The following ODAD3 variants were observed in gnomAD, a reference collection of about 807,000 sequenced individuals.
ODAD3 encodes outer dynein arm-docking complex subunit 3.
ODAD3 carries 57 observed loss-of-function variants against 70.9 expected under a neutral mutation model. The ratio of observed to expected loss-of-function variants is 0.80; its 90% CI spans 0.65 to 1.00. The LOEUF is 1.00. Ranked by LOEUF, ODAD3 falls within the 50% of genes least tolerant of loss-of-function variation. The probability of loss-of-function intolerance (pLI) is 0.00; values close to 1 mark genes in which losing one functional copy is unlikely to be tolerated. For missense variants in ODAD3, 797 were observed against 763.9 expected (o/e 1.04, Z -0.51); for synonymous variants, 327 against 315.9 (o/e 1.04, Z -0.37).
chr19:11,434,822 G>C lies in ODAD3; in HGVS notation c.195C>G (p.Pro65=). The C allele has an allele frequency of 6.2e-7, 1 of 1,614,164 alleles. No homozygotes were observed. Among genetic ancestry groups the C allele is most frequent in the Non-Finnish European group, 8.5e-7 (1 of 1,179,998 alleles). The change falls in exon 1 of 13, where the codon CCC becomes CCG. Residue 65 remains proline (P), a synonymous_variant. Transcript: ENST00000356392. ...ACTCAGCCACCTGAGAGTGCACAGA[G>C]GGCTTCCCTGCACCTCTGTGGAAGG... The part of the protein sequence containing the change: ...GGSFHRGAGK[P]SVHSQVAELH...
chr19:11,425,085 G>A (rs372074878), intron 7 of ODAD3, among the ~76,000 whole-genome samples: 6 of 127,122 alleles, frequency 4.7e-5, no homozygotes, highest in African/African-American at 8.0e-5. Context: ...ATGTGTATAT[G>A]TACATATGTG....
intron 8 of ODAD3, among the ~76,000 whole-genome samples, 183 bp from the exon 9 acceptor site, chr19:11,423,044 T>G (rs973525058): frequency 6.6e-6 from 1 of 152,234 alleles, no homozygotes; most frequent in African/African-American, 2.4e-5. Flanking sequence ...TGAGCAGCCC[T>G]GGATATATCA....
rs777588320 is a variant in ODAD3 at position 11,420,950 on chromosome 19, A to G, written c.1676-3T>C. 3 of 1,562,956 alleles carry G rather than the reference A, an allele frequency of 1.9e-6. No homozygotes were observed. Among genetic ancestry groups the G allele is most frequent in the Non-Finnish European group, 2.6e-6 (3 of 1,134,124 alleles). Reference sequence around the variant, plus strand: ...GTCCTCCTCCTCACTCTCTTCGTCTAAGGGGGGTGGGGGGATGAGCAGGGA... The same window carrying G: ...GTCCTCCTCCTCACTCTCTTCGTCTGAGGGGGGTGGGGGGATGAGCAGGGA... On this transcript the variant is annotated splice_polypyrimidine_tract_variant and splice_region_variant and intron_variant, in intron 12 of 12. Coordinates refer to ENST00000356392, the MANE Select transcript of ODAD3 (RefSeq NM_145045.5).
At chr19:11,435,663 G>A, upstream of ODAD3, 1 of 1,296,464 alleles carries the variant, frequency 7.7e-7, no homozygotes, top group Non-Finnish European at 1.0e-6. Context: ...GCGGCTGCTG[G>A]ACAAGAGGGG....
intron 3 of ODAD3, among the ~76,000 whole-genome samples, chr19:11,428,722 G>A (rs1969438419): frequency 6.6e-6 from 1 of 151,482 alleles, no homozygotes; most frequent in South Asian, 2.1e-4. Flanking sequence ...CAAATCTTCT[G>A]TATTTGTTGT....
chr19:11,425,657 A>G (rs568130710), intron 7 of ODAD3, among the ~76,000 whole-genome samples: 5 of 134,472 alleles, frequency 3.7e-5, no homozygotes, highest in African/African-American at 1.0e-4. Context: ...ATACGTATAT[A>G]TATATATATA....
At position 11,435,011 on chromosome 19, in the gene ODAD3, T is replaced by G; in HGVS notation, c.6A>C (p.Thr2=). The stretch of plus-strand genomic sequence containing the variant: ...CGGAGGCCGCCCTGCACAGAGGAGA[T>G]GTCATGATGGGGTTGGGGCTGAAGG... M[T]SPLCRAASAN... is the part of the protein sequence containing the mutation. The change falls in exon 1 of 13, where the codon ACA becomes ACC. Residue 2 remains threonine (T), a synonymous_variant. Coordinates refer to ENST00000356392, the MANE Select transcript of ODAD3 (RefSeq NM_145045.5). 1 of 1,610,394 alleles carries G rather than the reference T, an allele frequency of 6.2e-7. No homozygotes were observed. The highest frequency in any genetic ancestry group is 8.5e-7 in the Non-Finnish European group (1 of 1,179,416).
Position 11,434,991 on chromosome 19 carries a change from G to A in ODAD3, c.26C>T (p.Ala9Val), listed in dbSNP as rs1191599406. The A allele has an allele frequency of 1.2e-6, 2 of 1,612,574 alleles. No homozygotes were observed. Among genetic ancestry groups the A allele is most frequent in the Non-Finnish European group, 1.7e-6 (2 of 1,180,004 alleles). MTSPLCRAASANALPPQDQ... is the reference protein window; with the variant it reads MTSPLCRAVSANALPPQDQ... ...CTGAGGAGGCAGGGCGTTGGCGGAGGCCGCCCTGCACAGAGGAGATGTCAT... is the reference window on the plus strand; with the variant it reads ...CTGAGGAGGCAGGGCGTTGGCGGAGACCGCCCTGCACAGAGGAGATGTCAT... Residue 9 changes from alanine (A) to valine (V), a missense_variant, in exon 1 of 13, where the codon GCC becomes GTC. Ala to Val is a moderately conservative substitution (Grantham distance 64). Coordinates refer to ENST00000356392, the MANE Select transcript of ODAD3 (RefSeq NM_145045.5).
At chr19:11,425,429 A>G (rs1281029394) in intron 7 of ODAD3, among the ~76,000 whole-genome samples, 2 of 141,278 alleles carry the variant, frequency 1.4e-5, no homozygotes, top group South Asian at 4.2e-4. Flanking sequence ...GTATATACAC[A>G]TATGTGTATA....
At chr19:11,423,118 G>A (rs1221632089) in intron 8 of ODAD3, among the ~76,000 whole-genome samples, 2 of 152,260 alleles carry the variant, frequency 1.3e-5, no homozygotes, top group Non-Finnish European at 2.9e-5. Flanking sequence ...GGGGGCAACT[G>A]GAGAGGCGAG....
At position 11,425,280 on chromosome 19, in the gene ODAD3, T is replaced by C. The variant is rs1033833659; in HGVS notation, c.963+864A>G. Among the ~76,000 whole-genome samples, 54 of 140,454 alleles carry C rather than the reference T, an allele frequency of 3.8e-4. 2 individuals carry two copies. The highest frequency in any genetic ancestry group is 1.2e-3 in the Admixed American group (17 of 14,524). 92.1% of individuals were successfully genotyped at this position (140,454 alleles called of 152,430 possible). A position where few individuals can be genotyped will look rare whatever the true frequency, so the allele number is the denominator to read the frequency against. On this transcript the variant is annotated intron_variant, in intron 7 of 12. Transcript: ENST00000356392. ...ATGTACATATGTGTATATGTGTGTA[T>C]ATGTACATATGTGTATATATGTGTA...
chr19:11,426,406 G>A (rs775117832), intron 6 of ODAD3, 40 bp downstream of exon 6: 14 of 1,612,774 alleles, frequency 8.7e-6, no homozygotes, highest in Non-Finnish European at 1.2e-5. Context: ...GGGAGACCGC[G>A]GCAGCTGGGC....
In ODAD3 at chr19:11,421,282, C is replaced by T. The variant is rs989224972; in HGVS notation, c.1591-70G>A. The T allele has an allele frequency of 1.2e-5, 16 of 1,379,874 alleles. No individual in the cohort carries two copies. The African/African-American group carries it at 1.9e-4, about 16-fold the overall frequency. The allele number at this position is 1,379,874 out of a possible 1,614,324, so 85.5% of individuals were successfully genotyped here. A position where few individuals can be genotyped will look rare whatever the true frequency, so the allele number is the denominator to read the frequency against. Reference sequence around the variant, plus strand: ...GGGCCACCGAGAAGTCACGTTCCCCCTCCTCCCTACCCCATTCCGAGATAT... The same window carrying T: ...GGGCCACCGAGAAGTCACGTTCCCCTTCCTCCCTACCCCATTCCGAGATAT... On this transcript the variant is annotated intron_variant, in intron 11 of 12. Coordinates refer to ENST00000356392, the MANE Select transcript of ODAD3 (RefSeq NM_145045.5).
chr19:11,430,711 GTTC>G lies in ODAD3; in HGVS notation c.429_431del (p.Lys143del). ...AGGGTGGGCAAACCTGTCCTGTCCTGTTCTTCAGGTATGGCTTCTCCCACTTCC... is the reference window on the plus strand; with the variant it reads ...AGGGTGGGCAAACCTGTCCTGTCCTGTTCAGGTATGGCTTCTCCCACTTCC... On this transcript the variant is annotated inframe_deletion, in exon 3 of 13. Coordinates refer to ENST00000356392, the MANE Select transcript of ODAD3 (RefSeq NM_145045.5). 6.2e-7 allele frequency: 1 copy of G among 1,614,094 alleles called. No homozygotes were observed. Among genetic ancestry groups the G allele is most frequent in the Non-Finnish European group, 8.5e-7 (1 of 1,179,998 alleles).
In ODAD3 at chr19:11,434,978, G is replaced by A; in HGVS notation, c.39C>T (p.Ala13=). 1 of 1,613,320 alleles carries A rather than the reference G, an allele frequency of 6.2e-7. No homozygotes were observed. The highest frequency in any genetic ancestry group is 8.5e-7 in the Non-Finnish European group (1 of 1,180,030). ...SPLCRAASAN[A]LPPQDQASTP... ...TCGAAGCCTGGTCCTGAGGAGGCAG[G>A]GCGTTGGCGGAGGCCGCCCTGCACA... is the stretch of plus-strand genomic sequence containing the variant. Residue 13 remains alanine, a synonymous_variant, in exon 1 of 13, where the codon GCC becomes GCT. Transcript: ENST00000356392.
In ODAD3 at chr19:11,426,752, C is replaced by G. The variant is rs765297835; in HGVS notation, c.645G>C (p.Lys215Asn). ...TMRNLENRLEKAQMKAQEAEH... is the reference protein window; with the variant it reads ...TMRNLENRLENAQMKAQEAEH... ...CGGCCTCCTGCGCCTTCATCTGGGC[C>G]TTCTCCAGGCGGTTCTCCAGGTTCC... is the stretch of plus-strand genomic sequence containing the variant. The change falls in exon 5 of 13, where the codon AAG becomes AAC. Residue 215 changes from lysine to asparagine, a missense_variant. Lys to Asn is a moderately conservative substitution (Grantham distance 94). Transcript: ENST00000356392. The G allele has an allele frequency of 1.9e-6, 3 of 1,613,874 alleles. No individual in the cohort carries two copies. In the African/African-American group the frequency reaches 4.0e-5, roughly 22 times the overall value.
chr19:11,427,004 C>T lies in ODAD3; in HGVS notation c.481G>A (p.Val161Met), dbSNP rs1555723194. ...TGCCGCAGGGCGTTCTGCTGCTTCA[C>T]CTTCTCCCTCAGCCGGTGGTCTAGG... ...EHLDHRLREK[V>M]KQQNALRHQV... is the part of the protein sequence containing the mutation. Residue 161 changes from valine to methionine, a missense_variant, in exon 4 of 13, where the codon GTG becomes ATG. Val to Met is a conservative substitution (Grantham distance 21, BLOSUM62 1). Transcript: ENST00000356392. The T allele has an allele frequency of 6.2e-7, 1 of 1,602,000 alleles. No homozygotes were observed. The highest frequency in any genetic ancestry group is 8.5e-7 in the Non-Finnish European group (1 of 1,178,742).
chr19:11,435,316 G>A, upstream of ODAD3: 1 of 738,956 alleles, frequency 1.4e-6, no homozygotes, highest in Non-Finnish European at 2.0e-6. Context: ...GGAGGGTCTG[G>A]ACACTTTGGG....
chr19:11,435,504 C>G, upstream of ODAD3: 1 of 424,098 alleles, frequency 2.4e-6, no homozygotes, highest in South Asian at 1.8e-5. Context: ...GTTTCACAGT[C>G]CTGCCCAAGA....
Sources: gnomAD v4.1 joint callset for allele counts (sites outside exome capture counted in the v4.1 genomes callset) on GRCh38, gnomAD v4.1.1 for gene constraint, MANE v1.5 for transcripts, NCBI Gene and HGNC (gene_info 2026-07-23, HGNC 2026-07-21) for gene names.